The following IPP variants were observed in gnomAD, a reference collection of about 807,000 sequenced individuals.
IPP encodes actin-binding protein IPP.
A neutral mutation model predicts 64.1 loss-of-function variants in IPP; 41 were observed. The observed-to-expected ratio is 0.64, with a 90% CI of 0.50 to 0.83. IPP has a LOEUF of 0.83. Ranked by LOEUF, IPP falls within the 40% of genes least tolerant of loss-of-function variation. IPP has a pLI of 0.00. For missense variants in IPP, 649 were observed against 703.0 expected (o/e 0.92, Z 0.87); for synonymous variants, 214 against 235.2 (o/e 0.91, Z 0.83).
downstream of IPP, chr1:45,697,472 G>C (rs921865843): frequency 1.3e-5 from 2 of 151,912 alleles, no homozygotes; most frequent in African/African-American, 4.8e-5. Flanking sequence ...GACTGGTCTT[G>C]AACTCCTGAC....
At chr1:45,712,865 GAAA>G (rs1185686636) in intron 8 of IPP, among the ~76,000 whole-genome samples, 5 of 120,880 alleles carry the variant, frequency 4.1e-5, no homozygotes, top group African/African-American at 9.9e-5. Context: ...AAAAAAAAAA[GAAA>G]AAAAAAAAAA....
rs755889982 is a variant in IPP, at chr1:45,719,310, G to A, written c.1079C>T (p.Thr360Ile). The A allele has an allele frequency of 4.4e-6, 7 of 1,599,952 alleles. No individual in the cohort carries two copies. The highest frequency in any genetic ancestry group is 6.0e-6 in the Non-Finnish European group (7 of 1,174,362). Residue 360 changes from threonine (T) to isoleucine (I), a missense_variant, in exon 6 of 9, where the codon ACT becomes ATT. Thr to Ile is a moderately conservative substitution (Grantham distance 89). Transcript: ENST00000396478. ...TTTAGTAACTGGATCATAGCATTCA[G>A]TACAATCAAAAATCATTGAATCCTT... ...GEKDSMIFDC[T>I]ECYDPVTKQW...
intron 3 of IPP, among the ~76,000 whole-genome samples, chr1:45,738,522 A>G (rs1258724248): frequency 6.6e-6 from 1 of 151,992 alleles, no homozygotes; most frequent in East Asian, 1.9e-4. Context: ...TCAATAATAT[A>G]TATTAAATAA....
At chr1:45,721,296 T>A (rs1429597495) in intron 5 of IPP, among the ~76,000 whole-genome samples, 1 of 152,236 alleles carries the variant, frequency 6.6e-6, no homozygotes, top group East Asian at 1.9e-4. Flanking sequence ...GTGCTTAAAC[T>A]GTACAAACAA....
chr1:45,739,485 G>T (rs1462934895), intron 3 of IPP, among the ~76,000 whole-genome samples: 1 of 127,002 alleles, frequency 7.9e-6, no homozygotes, highest in Non-Finnish European at 1.6e-5. Flanking sequence ...GAATTCTTGT[G>T]CTAAAGCGAT....
intron 3 of IPP, among the ~76,000 whole-genome samples, chr1:45,732,982 T>C (rs907554032): frequency 5.3e-5 from 8 of 152,038 alleles, no homozygotes; most frequent in Non-Finnish European, 7.4e-5. Context: ...ATTTAAAGTA[T>C]TTAGAAATTT....
chr1:45,696,937 G>T (rs1238127584), downstream of IPP: 1 of 152,204 alleles, frequency 6.6e-6, no homozygotes, highest in Non-Finnish European at 1.5e-5. Context: ...CCCCTTCAAA[G>T]TGTCATTTTC....
At position 45,714,299 on chromosome 1, in the gene IPP, A is replaced by G. The variant is rs770722167; in HGVS notation, c.1477T>C (p.Trp493Arg). The change falls in exon 8 of 9, where the codon TGG (tryptophan) becomes CGG (arginine). Residue 493 changes from tryptophan (W) to arginine (R), a missense_variant. Physicochemically the swap from Trp to Arg is moderately radical, Grantham distance 101. Coordinates refer to ENST00000396478, the MANE Select transcript of IPP (RefSeq NM_005897.3). ...TGAAGAGCATCTTGGGTCTCATTCC[A>G]TCCTCCAACAGAATAGATGCAGTCA... Reference protein sequence around the residue: ...LNDCIYSVGGWNETQDALHTV... With the variant: ...LNDCIYSVGGRNETQDALHTV... 3 of 1,614,198 alleles carry G rather than the reference A, an allele frequency of 1.9e-6. No individual in the cohort carries two copies. The highest frequency in any genetic ancestry group is 2.2e-5 in the South Asian group (2 of 91,090).
chr1:45,698,607 G>A, downstream of IPP: 2 of 868,312 alleles, frequency 2.3e-6, no homozygotes, highest in East Asian at 1.2e-4. Flanking sequence ...GTTTGCCCAA[G>A]TACAAATAAA....
chr1:45,742,029 C>G (rs1432008595), intron 2 of IPP, among the ~76,000 whole-genome samples: 1 of 152,170 alleles, frequency 6.6e-6, no homozygotes, highest in Non-Finnish European at 1.5e-5. Context: ...AAAGTCCATG[C>G]TTTTGCCATA....
chr1:45,703,415 T>G (rs1421556099), intron 8 of IPP, among the ~76,000 whole-genome samples: 1 of 300 alleles, frequency 3.3e-3, no homozygotes, highest in African/African-American at 0.015. Flanking sequence ...TTACTAACCA[T>G]AAGTGACATT....
chr1:45,720,226 C>A (rs1336888460), intron 5 of IPP, among the ~76,000 whole-genome samples: 1 of 152,038 alleles, frequency 6.6e-6, no homozygotes, highest in African/African-American at 2.4e-5. Flanking sequence ...TAAGCATGTG[C>A]CACCATGTCC....
chr1:45,714,145 C>T (rs928494859), intron 8 of IPP, 101 bp downstream of exon 8: 38 of 825,356 alleles, frequency 4.6e-5, no homozygotes, highest in South Asian at 1.1e-4. Context: ...AAAAAATCCA[C>T]GAATGATCAA....
At chr1:45,724,090 T>C (rs1044821028) in intron 5 of IPP, among the ~76,000 whole-genome samples, 3 of 145,464 alleles carry the variant, frequency 2.1e-5, no homozygotes, top group African/African-American at 7.4e-5. Context: ...TGCCTGATTC[T>C]CCTGCCTCAG....
chr1:45,723,985 T>TCCCC lies in IPP; in HGVS notation c.1048+3645_1048+3646insGGGG, dbSNP rs1645767531. Among the ~76,000 whole-genome samples, 8 of 84,532 alleles carry TCCCC rather than the reference T, an allele frequency of 9.5e-5. No homozygotes were observed. In the East Asian group the frequency reaches 1.5e-3, roughly 15 times the overall value. 55.5% of individuals were successfully genotyped at this position (84,532 alleles called of 152,430 possible). A position where few individuals can be genotyped will look rare whatever the true frequency, so the allele number is the denominator to read the frequency against. On this transcript the variant is annotated intron_variant, in intron 5 of 8. Coordinates refer to ENST00000396478, the MANE Select transcript of IPP (RefSeq NM_005897.3). ...CTCTCCCTCTCCCCCTCCCCCTCCC[T>TCCCC]CTCCCTCTCTCCACGGTCTCCTTCC...
At chr1:45,732,277 G>A (rs978823285) in intron 3 of IPP, among the ~76,000 whole-genome samples, 9 of 142,526 alleles carry the variant, frequency 6.3e-5, no homozygotes, top group Non-Finnish European at 1.2e-4. Context: ...AGGGAGAACC[G>A]CTTGAACCCG....
At chr1:45,719,773 T>C (rs927241230) in intron 5 of IPP, among the ~76,000 whole-genome samples, 1 of 152,222 alleles carries the variant, frequency 6.6e-6, no homozygotes, top group Non-Finnish European at 1.5e-5. Flanking sequence ...TCGCCCAGGC[T>C]GGAGTGCAGT....
In IPP at chr1:45,699,979, A is replaced by G; in HGVS notation, c.1742T>C (p.Val581Ala). The change falls in exon 9 of 9, where the codon GTT (valine) becomes GCT (alanine). Residue 581 changes from valine (V) to alanine (A), a missense_variant. Transcript: ENST00000396478. ...NMITSRCEGG[V>A]AVL is the part of the protein sequence containing the mutation. ...ATGCTTTATATTTCATAGCACAGCA[A>G]CGCCCCCTTCACAACGACTGGTGAT... is the stretch of plus-strand genomic sequence containing the variant. 1 of 1,614,228 alleles carries G rather than the reference A, an allele frequency of 6.2e-7. No homozygotes were observed. Among genetic ancestry groups the G allele is most frequent in the Non-Finnish European group, 8.5e-7 (1 of 1,180,042 alleles).
intron 8 of IPP, among the ~76,000 whole-genome samples, chr1:45,712,058 G>C (rs921545246): frequency 6.6e-6 from 1 of 152,076 alleles, no homozygotes; most frequent in Non-Finnish European, 1.5e-5. Context: ...GCTTACACCT[G>C]TAATTCCAGC....
Sources: allele counts gnomAD v4.1 joint callset (sites outside exome capture counted in the v4.1 genomes callset), GRCh38; gene constraint gnomAD v4.1.1; transcripts MANE v1.5; gene names NCBI Gene and HGNC (gene_info 2026-07-23, HGNC 2026-07-21).